Variants in TFDP2 observed in about 807,000 individuals in gnomAD.
TFDP2 encodes transcription factor Dp-2 (E2F dimerization partner 2).
In TFDP2, 17 loss-of-function variants were observed where a neutral mutation model predicts 59.3. The ratio of observed to expected loss-of-function variants is 0.29; its 90% CI spans 0.20 to 0.43. TFDP2 has a LOEUF of 0.43. Among genes scored for constraint, TFDP2 ranks in the 20% least tolerant of loss-of-function variants. The pLI, the probability that TFDP2 is intolerant of heterozygous loss-of-function variation, is 1.00. For missense variants in TFDP2, 391 were observed against 528.8 expected (o/e 0.74, Z 2.56); for synonymous variants, 180 against 194.7 (o/e 0.92, Z 0.63).
At chr3:142,138,125 T>G (rs552808623) in intron 1 of TFDP2, among the ~76,000 whole-genome samples, 24 of 152,330 alleles carry the variant, frequency 1.6e-4, no homozygotes, top group African/African-American at 4.6e-4. Flanking sequence ...GTCCAGGAAT[T>G]TATCCATTTC....
chr3:142,097,848 C>T (rs545210471), intron 2 of TFDP2, among the ~76,000 whole-genome samples: 101 of 150,358 alleles, frequency 6.7e-4, no homozygotes, highest in African/African-American at 1.8e-3. Context: ...TGTAGTGGCA[C>T]GATCTCGGCT....
intron 2 of TFDP2, among the ~76,000 whole-genome samples, chr3:142,096,348 C>G (rs559605808): frequency 1.3e-5 from 2 of 152,080 alleles, no homozygotes; most frequent in Admixed American, 6.6e-5. Flanking sequence ...AGTTGGCTAG[C>G]GAAAGCATCC....
Position 141,949,707 on chromosome 3 carries a change from C to A in TFDP2, c.*2806G>T, listed in dbSNP as rs1163735430. On this transcript the variant is annotated 3_prime_UTR_variant, in exon 13 of 13. Coordinates refer to ENST00000489671, the MANE Select transcript of TFDP2 (RefSeq NM_001178139.2). ...AAAGGCCTCTTGAACTCCCCACAAT[C>A]AGTGTGTGCCAGCAGCCCTGGGAGG... 1.3e-5 allele frequency: 2 copies of A among 152,160 alleles called. No individual in the cohort carries two copies. Among genetic ancestry groups the A allele is most frequent in the Non-Finnish European group, 2.9e-5 (2 of 68,148 alleles). 9.4% of individuals were successfully genotyped at this position (152,160 alleles called of 1,614,324 possible).
intron 3 of TFDP2, among the ~76,000 whole-genome samples, chr3:142,068,846 A>AGG (rs2060152249): frequency 6.6e-6 from 1 of 152,100 alleles, no homozygotes; most frequent in South Asian, 2.1e-4. Context: ...AGTGTGAGCC[A>AGG]CCACGCCAGG....
Position 142,149,290 on chromosome 3 carries a change from C to A in TFDP2, c.-200G>T. 1 of 395,988 alleles carries A rather than the reference C, an allele frequency of 2.5e-6. No homozygotes were observed. Among genetic ancestry groups the A allele is most frequent in the South Asian group, 1.3e-4 (1 of 7,714 alleles). 24.5% of individuals were successfully genotyped at this position (395,988 alleles called of 1,614,324 possible). On this transcript the variant is annotated 5_prime_UTR_variant, in exon 1 of 13. Coordinates refer to ENST00000489671, the MANE Select transcript of TFDP2 (RefSeq NM_001178139.2). ...GTGGCGCCCGCGCTTAGGCGGCGGCCGGGTCCCGGTGGACTCACACCCGGG... is the reference window on the plus strand; with the variant it reads ...GTGGCGCCCGCGCTTAGGCGGCGGCAGGGTCCCGGTGGACTCACACCCGGG...
At chr3:142,092,952 A>G (rs537959410) in intron 3 of TFDP2, 109 bp downstream of exon 3, 293 of 723,720 alleles carry the variant, frequency 4.0e-4, no homozygotes, top group Middle Eastern at 7.7e-4. Flanking sequence ...ACAACGTGCT[A>G]ATATCATAAA....
chr3:141,970,348 T>C (rs1939527735), intron 8 of TFDP2, among the ~76,000 whole-genome samples: 1 of 152,192 alleles, frequency 6.6e-6, no homozygotes, highest in African/African-American at 2.4e-5. Flanking sequence ...GCAACTGTCA[T>C]TAAAAATGAA....
At chr3:141,962,557 C>T (rs529184780) in intron 10 of TFDP2, among the ~76,000 whole-genome samples, 21 of 152,254 alleles carry the variant, frequency 1.4e-4, no homozygotes, top group Non-Finnish European at 4.4e-5. Flanking sequence ...CAGGGTTTCA[C>T]TATGTTGGCC....
At chr3:142,048,293 T>C (rs753483121) in intron 3 of TFDP2, among the ~76,000 whole-genome samples, 1 of 151,832 alleles carries the variant, frequency 6.6e-6, no homozygotes, top group African/African-American at 2.4e-5. Context: ...CATGTACCTA[T>C]CATCTCAGCT....
chr3:142,073,465 C>CA lies in TFDP2; in HGVS notation c.82+19595_82+19596insT, dbSNP rs1198172917. 1.3e-4 allele frequency among the ~76,000 whole-genome samples: 9 copies of CA among 70,128 alleles called. 2 individuals carry two copies. The highest frequency in any genetic ancestry group is 2.0e-4 in the Non-Finnish European group (7 of 35,776). 46.0% of individuals were successfully genotyped at this position (70,128 alleles called of 152,430 possible). Reference sequence around the variant, plus strand: ...TTAAAAACAAACAAACAACCCCCCCCCCCCCGCAAAAAAAAAAAATAAAAA... The same window carrying CA: ...TTAAAAACAAACAAACAACCCCCCCCACCCCCGCAAAAAAAAAAAATAAAAA... On this transcript the variant is annotated intron_variant, in intron 3 of 12. Coordinates refer to ENST00000489671, the MANE Select transcript of TFDP2 (RefSeq NM_001178139.2).
intron 1 of TFDP2, among the ~76,000 whole-genome samples, chr3:142,142,170 C>T (rs1315914390): frequency 1.3e-5 from 2 of 152,120 alleles, no homozygotes; most frequent in Non-Finnish European, 2.9e-5. Flanking sequence ...TCCCTGTTTG[C>T]AGATGATGCA....
intron 3 of TFDP2, among the ~76,000 whole-genome samples, chr3:142,075,734 GAAAAAAAAAAAA>G (rs530375441): frequency 1.8e-4 from 8 of 45,520 alleles, no homozygotes; most frequent in Admixed American, 1.1e-3. Flanking sequence ...TGTCTCTACA[GAAAAAAAAAAAA>G]AAAAAAAAAA....
intron 7 of TFDP2, among the ~76,000 whole-genome samples, chr3:141,978,280 GGTT>G: frequency 6.6e-6 from 1 of 151,686 alleles, no homozygotes; most frequent in Non-Finnish European, 1.5e-5. Flanking sequence ...GGGAGGCAGA[GGTT>G]GCAGTGAGCC....
At chr3:141,963,124 T>C (rs1457586871) in intron 10 of TFDP2, among the ~76,000 whole-genome samples, 1 of 150,968 alleles carries the variant, frequency 6.6e-6, no homozygotes, top group Non-Finnish European at 1.5e-5. Context: ...CTCTGCACCC[T>C]ATATATACTC....
At chr3:142,034,879 T>G (rs1200178360) in intron 3 of TFDP2, among the ~76,000 whole-genome samples, 1 of 152,094 alleles carries the variant, frequency 6.6e-6, no homozygotes, top group Non-Finnish European at 1.5e-5. Flanking sequence ...AGCTAATTTT[T>G]GTATATTTAG....
chr3:142,013,429 A>G (rs1944875219), intron 3 of TFDP2, among the ~76,000 whole-genome samples: 1 of 152,246 alleles, frequency 6.6e-6, no homozygotes, highest in Non-Finnish European at 1.5e-5. Flanking sequence ...GTCAACCAAA[A>G]TTCCAGCCAG....
At chr3:142,128,823 G>A (rs2062377718) in intron 1 of TFDP2, among the ~76,000 whole-genome samples, 1 of 151,688 alleles carries the variant, frequency 6.6e-6, no homozygotes, top group South Asian at 2.1e-4. Context: ...CTTGAGAAGA[G>A]TTCTTCCATC....
intron 1 of TFDP2, among the ~76,000 whole-genome samples, chr3:142,105,706 G>C (rs1398754894): frequency 6.6e-6 from 1 of 152,118 alleles, no homozygotes; most frequent in Non-Finnish European, 1.5e-5. Flanking sequence ...ACAGAACAAA[G>C]TACAATTTTG....
At chr3:142,017,976 C>T (rs1945272807) in intron 3 of TFDP2, among the ~76,000 whole-genome samples, 1 of 134,858 alleles carries the variant, frequency 7.4e-6, no homozygotes, top group Admixed American at 7.3e-5. Context: ...GAGTCCTGCT[C>T]TTGTCGTCCA....
Sources: allele counts gnomAD v4.1 joint callset (sites outside exome capture counted in the v4.1 genomes callset), GRCh38; gene constraint gnomAD v4.1.1; transcripts MANE v1.5; gene names NCBI Gene and HGNC (gene_info 2026-07-23, HGNC 2026-07-21).